ZNF469: variants seen among roughly 807,000 people sequenced by gnomAD.
ZNF469 encodes the protein zinc finger protein 469.
In ZNF469, 1 loss-of-function variant was observed where a neutral mutation model predicts 1.0. The ratio of observed to expected loss-of-function variants is 1.00; its 90% CI spans 0.35 to 4.73. The LOEUF (loss-of-function observed/expected upper bound fraction) is 4.73. Ranked by LOEUF, ZNF469 falls within the 30% of genes most tolerant of loss-of-function variation. The probability of loss-of-function intolerance (pLI) is 0.16; values close to 1 mark genes in which losing one functional copy is unlikely to be tolerated. For missense variants in ZNF469, 6,100 were observed against 5,356.3 expected (o/e 1.14, Z -4.33); for synonymous variants, 2,703 against 2,363.4 (o/e 1.14, Z -4.17).
chr16:88,236,102 C>G, the ZNF469 span, among the ~76,000 whole-genome samples: 7 of 152,200 alleles, frequency 4.6e-5, no homozygotes, highest in African/African-American at 1.7e-4. Flanking sequence ...TAGAAGAAAT[C>G]TCATAGGGGG....
At chr16:88,242,663 G>A in the ZNF469 span, among the ~76,000 whole-genome samples, 1 of 152,378 alleles carries the variant, frequency 6.6e-6, no homozygotes, top group East Asian at 1.9e-4. Context: ...CCTGACCACC[G>A]CCCCCTTTCC....
the ZNF469 span, among the ~76,000 whole-genome samples, chr16:88,253,679 A>G: frequency 6.6e-6 from 1 of 151,476 alleles, no homozygotes; most frequent in Non-Finnish European, 1.5e-5. Flanking sequence ...CTGGGATCAC[A>G]GGCGCCAGCC....
chr16:88,253,706 T>C, the ZNF469 span, among the ~76,000 whole-genome samples: 1 of 151,892 alleles, frequency 6.6e-6, no homozygotes, highest in African/African-American at 2.4e-5. Flanking sequence ...CCTTGGCTAA[T>C]TTTTGTATTT....
the ZNF469 span, among the ~76,000 whole-genome samples, chr16:88,285,529 G>A: frequency 6.6e-5 from 10 of 152,268 alleles, no homozygotes; most frequent in African/African-American, 2.2e-4. Flanking sequence ...GCCTGGTCAC[G>A]AGGTGAGGCC....
At position 88,424,981 on chromosome 16, in the gene ZNF469, C is replaced by G. The variant is rs1905637679; in HGVS notation, c.-127+110C>G. Among the ~76,000 whole-genome samples the G allele has an allele frequency of 6.6e-6, 1 of 152,036 alleles. No individual in the cohort carries two copies. Among genetic ancestry groups the G allele is most frequent in the African/African-American group, 2.4e-5 (1 of 41,420 alleles). On this transcript the variant is annotated intron_variant, in intron 2 of 2. Coordinates refer to ENST00000565624, the MANE Select transcript of ZNF469 (RefSeq NM_001367624.2). This position sits in a 1 kb window ranked among gnomAD's most constrained non-coding sequence, Gnocchi z 4.3. ...CCCGGCCTTCCTCTCCCTCTCAGGA[C>G]AGTAACCGGGCCTGCCTACTGCCTC...
At chr16:88,407,294 G>C (rs1415258955) in intron 1 of ZNF469, among the ~76,000 whole-genome samples, 1 of 109,104 alleles carries the variant, frequency 9.2e-6, no homozygotes, top group East Asian at 2.4e-4. Flanking sequence ...CGGAACCGTC[G>C]CCAGCACCTG....
At chr16:88,167,749 G>A in the ZNF469 span, among the ~76,000 whole-genome samples, 1 of 152,220 alleles carries the variant, frequency 6.6e-6, no homozygotes, top group African/African-American at 2.4e-5. Context: ...CAAATGGGGG[G>A]TGGGTGTGGC....
At chr16:88,229,786 G>A in the ZNF469 span, among the ~76,000 whole-genome samples, 1 of 152,206 alleles carries the variant, frequency 6.6e-6, no homozygotes, top group Non-Finnish European at 1.5e-5. Flanking sequence ...CACAACAATG[G>A]TGCCTCTGTG....
the ZNF469 span, among the ~76,000 whole-genome samples, chr16:88,297,937 T>A: frequency 6.6e-6 from 1 of 152,190 alleles, no homozygotes; most frequent in African/African-American, 2.4e-5. Flanking sequence ...ACTGCCATCC[T>A]TTGCCTGTGC....
the ZNF469 span, among the ~76,000 whole-genome samples, chr16:88,274,093 G>A: frequency 1.1e-4 from 16 of 152,320 alleles, no homozygotes; most frequent in African/African-American, 2.2e-4. Flanking sequence ...GTGAGCCACC[G>A]CGCCTGGCCA....
the ZNF469 span, among the ~76,000 whole-genome samples, chr16:88,101,898 C>T: frequency 9.2e-5 from 14 of 152,284 alleles, no homozygotes; most frequent in South Asian, 2.1e-4. Flanking sequence ...AAAGCCGTCA[C>T]GCTGGGAGGT....
At chr16:88,423,476 A>G (rs892123488) in intron 1 of ZNF469, among the ~76,000 whole-genome samples, 46 of 152,156 alleles carry the variant, frequency 3.0e-4, no homozygotes, top group Admixed American at 3.0e-3. Context: ...TGGGTTCTCT[A>G]CATTGCTAGG....
the ZNF469 span, among the ~76,000 whole-genome samples, chr16:88,206,359 G>A: frequency 2.6e-5 from 4 of 152,180 alleles, no homozygotes; most frequent in Non-Finnish European, 5.9e-5. Context: ...GGGTCTGGGC[G>A]CCTCCCTTGG....
the ZNF469 span, among the ~76,000 whole-genome samples, chr16:88,233,816 G>A: frequency 2.0e-5 from 3 of 152,258 alleles, no homozygotes; most frequent in Non-Finnish European, 2.9e-5. Flanking sequence ...GTGCGCGAGC[G>A]CTTTGGTGAG....
the ZNF469 span, among the ~76,000 whole-genome samples, chr16:88,198,242 T>A: frequency 6.6e-6 from 1 of 151,994 alleles, no homozygotes; most frequent in Non-Finnish European, 1.5e-5. Flanking sequence ...GACAAAGCTG[T>A]GAAAGGATGG....
At chr16:88,280,024 A>G in the ZNF469 span, among the ~76,000 whole-genome samples, 224 of 117,724 alleles carry the variant, frequency 1.9e-3, 6 homozygotes, top group African/African-American at 5.1e-3. Context: ...GCTGACACTC[A>G]GTCAGTACCG....
rs763396048 is a variant in ZNF469, at chr16:88,431,304, C to T, written c.3834C>T (p.Pro1278=). The T allele has an allele frequency of 1.9e-6, 3 of 1,549,964 alleles. No homozygotes were observed. In the African/African-American group the frequency reaches 4.1e-5, roughly 21 times the overall value. ...PPPSRHDTGT[P]KPSGSLANTA... is the part of the protein sequence containing the mutation. Reference sequence around the variant, plus strand: ...CCAGCAGACATGACACCGGCACCCCCAAGCCGTCGGGAAGCCTCGCCAACA... The same window carrying T: ...CCAGCAGACATGACACCGGCACCCCTAAGCCGTCGGGAAGCCTCGCCAACA... The change falls in exon 3 of 3, where the codon CCC becomes CCT. Residue 1278 remains proline, a synonymous_variant. Transcript: ENST00000565624.
At chr16:88,211,649 T>G in the ZNF469 span, among the ~76,000 whole-genome samples, 1 of 152,234 alleles carries the variant, frequency 6.6e-6, no homozygotes, top group Admixed American at 6.5e-5. Context: ...ACTTCAGGTG[T>G]TAGACAAGGA....
At chr16:88,223,296 C>A in the ZNF469 span, among the ~76,000 whole-genome samples, 3 of 152,212 alleles carry the variant, frequency 2.0e-5, no homozygotes, top group Non-Finnish European at 4.4e-5. Context: ...TAAGGGGAAA[C>A]CCCTTTCTCT....
Sources: gnomAD v4.1 joint callset for allele counts (sites outside exome capture counted in the v4.1 genomes callset) on GRCh38, gnomAD v4.1.1 for gene constraint, Gnocchi (gnomAD v3.1) non-coding constraint, MANE v1.5 for transcripts, NCBI Gene and HGNC (gene_info 2026-07-23, HGNC 2026-07-21) for gene names.